The following GHR variants were observed in gnomAD, a reference collection of about 807,000 sequenced individuals.
GHR encodes the protein GH receptor.
GHR carries 35 observed loss-of-function variants against 67.1 expected under a neutral mutation model. The ratio of observed to expected loss-of-function variants is 0.52; its 90% confidence interval spans 0.40 to 0.69. GHR has a LOEUF of 0.69. Ranked by LOEUF, GHR falls within the 30% of genes least tolerant of loss-of-function variation. GHR has a pLI of 0.00. For synonymous variants in GHR, 272 were observed against 269.1 expected, an observed-to-expected ratio of 1.01 and a Z score of -0.10; for missense variants, 792 against 764.6, an observed-to-expected ratio of 1.04 and a Z score of -0.42.
intron 1 of GHR, among the ~76,000 whole-genome samples, chr5:42,475,929 G>A (rs1215805611): frequency 1.0e-4 from 12 of 116,488 alleles, no homozygotes; most frequent in East Asian, 9.9e-4. Context: ...TTTTTGAGAC[G>A]GAGTCTCGCT....
chr5:42,488,601 C>T (rs1745981356), intron 1 of GHR, among the ~76,000 whole-genome samples: 2 of 152,088 alleles, frequency 1.3e-5, no homozygotes, highest in South Asian at 4.1e-4. Flanking sequence ...GTGTTCTGAA[C>T]TCTTTAGCAT....
chr5:42,424,577 C>A lies in GHR; in HGVS notation c.-12+622C>A. 3 of 1,534,350 alleles carry A rather than the reference C, an allele frequency of 2.0e-6. No homozygotes were observed. The highest frequency in any genetic ancestry group is 1.2e-5 in the South Asian group (1 of 84,030). Reference sequence around the variant, plus strand: ...GGAACTGGGGTCAGTAGAGTGACAGCCACCAGTCCGCATGAACTGGGGTAA... The same window carrying A: ...GGAACTGGGGTCAGTAGAGTGACAGACACCAGTCCGCATGAACTGGGGTAA... On this transcript the variant is annotated intron_variant, in intron 1 of 9. Coordinates refer to ENST00000230882, the MANE Select transcript of GHR (RefSeq NM_000163.5). The surrounding 1 kb of genome is among the most constrained non-coding windows in gnomAD (Gnocchi z 4.1).
chr5:42,541,478 T>G (rs2112379955), intron 1 of GHR, among the ~76,000 whole-genome samples: 1 of 151,820 alleles, frequency 6.6e-6, no homozygotes, highest in Middle Eastern at 3.4e-3. Context: ...GAGAGTGGGG[T>G]TGGGAAAAAA....
intron 8 of GHR, among the ~76,000 whole-genome samples, chr5:42,717,260 C>T (rs1375946313): frequency 6.6e-6 from 1 of 152,088 alleles, no homozygotes; most frequent in Non-Finnish European, 1.5e-5. Context: ...GATTGCACCA[C>T]TGGACTCCAG....
At chr5:42,464,140 T>C (rs1352076272) in intron 1 of GHR, among the ~76,000 whole-genome samples, 3 of 151,666 alleles carry the variant, frequency 2.0e-5, no homozygotes, top group Non-Finnish European at 4.4e-5. Flanking sequence ...ACTTCTAATT[T>C]AGTTTGCTTT....
intron 5 of GHR, among the ~76,000 whole-genome samples, chr5:42,698,767 T>C (rs1220735474): frequency 6.6e-6 from 1 of 152,192 alleles, no homozygotes; most frequent in Non-Finnish European, 1.5e-5. Flanking sequence ...CTTCTGTATA[T>C]ATGGCAGAAA....
intron 2 of GHR, among the ~76,000 whole-genome samples, chr5:42,593,433 A>G (rs958218040): frequency 1.3e-5 from 2 of 152,240 alleles, no homozygotes; most frequent in Non-Finnish European, 2.9e-5. Context: ...AAATAAACAC[A>G]TTTACCTAAT....
chr5:42,467,792 T>C (rs1309989631), intron 1 of GHR: 1 of 1,477,506 alleles, frequency 6.8e-7, no homozygotes, highest in African/African-American at 1.4e-5. Flanking sequence ...TTCCCACACA[T>C]GCTACAATGT....
chr5:42,669,181 C>A (rs1756147547), intron 3 of GHR, among the ~76,000 whole-genome samples: 1 of 152,124 alleles, frequency 6.6e-6, no homozygotes, highest in South Asian at 2.1e-4. Flanking sequence ...CTAAAGCCTG[C>A]ACATCAACAG....
chr5:42,459,226 T>A (rs1744385500), intron 1 of GHR, among the ~76,000 whole-genome samples: 1 of 152,154 alleles, frequency 6.6e-6, no homozygotes, highest in South Asian at 2.1e-4. Context: ...TGTGGCACTA[T>A]AACAGAGACA....
chr5:42,490,061 G>A (rs746905691), intron 1 of GHR, among the ~76,000 whole-genome samples: 2 of 152,200 alleles, frequency 1.3e-5, no homozygotes, highest in Admixed American at 6.5e-5. Flanking sequence ...CACCTAACCA[G>A]TAGAACTTAG....
At chr5:42,592,493 A>T (rs917345787) in intron 2 of GHR, among the ~76,000 whole-genome samples, 1 of 152,184 alleles carries the variant, frequency 6.6e-6, no homozygotes, top group Non-Finnish European at 1.5e-5. Context: ...TTTAGCTCCC[A>T]CTTATAAATG....
At position 42,711,379 on chromosome 5, in the gene GHR, G is replaced by T; in HGVS notation, c.784+7G>T. 1 of 1,597,424 alleles carries T rather than the reference G, an allele frequency of 6.3e-7. No individual in the cohort carries two copies. Among genetic ancestry groups the T allele is most frequent in the Non-Finnish European group, 8.6e-7 (1 of 1,164,962 alleles). On this transcript the variant is annotated splice_region_variant and intron_variant, in intron 7 of 9. Transcript: ENST00000230882. The stretch of plus-strand genomic sequence containing the variant: ...CAATTTACATGTGAAGAAGGTAAAA[G>T]AAATAAAAGATTAAAATAGTAGCTA...
rs779887732 is a variant in GHR, at chr5:42,718,680, A to G, written c.1173A>G (p.Glu391=). 3.7e-6 allele frequency: 6 copies of G among 1,614,092 alleles called. No homozygotes were observed. Among genetic ancestry groups the G allele is most frequent in the Non-Finnish European group, 2.5e-6 (3 of 1,180,042 alleles). Residue 391 remains glutamate, a synonymous_variant, in exon 10 of 10, where the codon GAA becomes GAG. Coordinates refer to ENST00000230882, the MANE Select transcript of GHR (RefSeq NM_000163.5). ...DGDSGRTSCC[E]PDILETDFNA... ...ACTCTGGACGTACCAGCTGTTGTGA[A>G]CCTGACATTCTGGAGACTGATTTCA... is the stretch of plus-strand genomic sequence containing the variant.
chr5:42,431,758 G>T (rs1202888487), intron 1 of GHR, among the ~76,000 whole-genome samples: 1 of 152,170 alleles, frequency 6.6e-6, no homozygotes, highest in Non-Finnish European at 1.5e-5. Flanking sequence ...TCTCCAGCTG[G>T]CTGGCTTCTA....
chr5:42,687,529 C>T (rs1757219522), intron 3 of GHR, among the ~76,000 whole-genome samples: 2 of 152,092 alleles, frequency 1.3e-5, no homozygotes, highest in African/African-American at 4.8e-5. Flanking sequence ...CAGCCTGGTA[C>T]AAAATTTGCG....
chr5:42,498,876 T>C (rs559990745), intron 1 of GHR, among the ~76,000 whole-genome samples: 108 of 152,348 alleles, frequency 7.1e-4, no homozygotes, highest in African/African-American at 2.5e-3. Context: ...AGGCAACTTA[T>C]AGTCTCTGTT....
chr5:42,678,839 C>A (rs769488256), intron 3 of GHR, among the ~76,000 whole-genome samples: 5 of 151,744 alleles, frequency 3.3e-5, no homozygotes, highest in Non-Finnish European at 5.9e-5. Context: ...AATCAGAATT[C>A]ATTGCAGGCA....
chr5:42,500,825 A>G (rs4866790), intron 1 of GHR, among the ~76,000 whole-genome samples: 2,903 of 152,358 alleles, frequency 0.019, 159 homozygotes, highest in East Asian at 0.13. Flanking sequence ...TTGACAGCTG[A>G]CATCCGTAAC....
Sources: gnomAD v4.1 joint callset for allele counts (sites outside exome capture counted in the v4.1 genomes callset) on GRCh38, gnomAD v4.1.1 for gene constraint, Gnocchi (gnomAD v3.1) non-coding constraint, MANE v1.5 for transcripts, NCBI Gene and HGNC (gene_info 2026-07-23, HGNC 2026-07-21) for gene names.